UFC1: variants seen among roughly 807,000 people sequenced by gnomAD.
UFC1 encodes ubiquitin-fold modifier conjugating enzyme 1, also known as ubiquitin-fold modifier-conjugating enzyme 1.
Under a neutral mutation model 28.0 loss-of-function variants are expected in UFC1, and 22 were observed. The observed-to-expected ratio is 0.78, with a 90% CI of 0.56 to 1.12. The LOEUF (loss-of-function observed/expected upper bound fraction) is 1.12. Ranked by LOEUF, UFC1 falls within the 50% of genes most tolerant of loss-of-function variation. The pLI, the probability that UFC1 is intolerant of heterozygous loss-of-function variation, is 0.00. For missense variants in UFC1, 189 were observed against 207.8 expected (o/e 0.91, Z 0.56); for synonymous variants, 61 against 74.5 (o/e 0.82, Z 0.93).
rs1657631966 is a variant in UFC1 at position 161,158,663 on chromosome 1, A to T, written c.*171A>T. On this transcript the variant is annotated 3_prime_UTR_variant, in exon 6 of 6. Transcript: ENST00000368003. Reference sequence around the variant, plus strand: ...GGGAAGAAACAAACACACACCAAACAGTACTGCTACTTAGTTTCTAAGGCT... The same window carrying T: ...GGGAAGAAACAAACACACACCAAACTGTACTGCTACTTAGTTTCTAAGGCT... 1.5e-6 allele frequency: 1 copy of T among 674,110 alleles called. No individual in the cohort carries two copies. Among genetic ancestry groups the T allele is most frequent in the Admixed American group, 2.3e-5 (1 of 43,610 alleles). The allele number at this position is 674,110 out of a possible 1,614,324, so 41.8% of individuals were successfully genotyped here.
In UFC1 at chr1:161,158,789, A is replaced by T; in HGVS notation, c.*297A>T. The T allele has an allele frequency of 2.4e-6, 1 of 416,874 alleles. No homozygotes were observed. The highest frequency in any genetic ancestry group is 4.5e-6 in the Non-Finnish European group (1 of 222,358). 25.8% of individuals were successfully genotyped at this position (416,874 alleles called of 1,614,324 possible). On this transcript the variant is annotated 3_prime_UTR_variant, in exon 6 of 6. Transcript: ENST00000368003. The stretch of plus-strand genomic sequence containing the variant: ...GATTCTGGAGGCACGGGGGTAACTG[A>T]AAGTGAGTACATATAGTCTTTCTGG...
intron 1 of UFC1, among the ~76,000 whole-genome samples, chr1:161,156,578 A>G (rs1034576566): frequency 4.1e-5 from 6 of 147,868 alleles, no homozygotes; most frequent in African/African-American, 1.3e-4. Flanking sequence ...GTAGTGGCTC[A>G]CGCCTGTAAT....
chr1:161,157,843 G>A (rs1482270168), intron 4 of UFC1, 150 bp downstream of exon 4: 1 of 687,368 alleles, frequency 1.5e-6, no homozygotes, highest in Admixed American at 2.6e-5. Context: ...ACCATGGCAC[G>A]TTTACCTATG....
In UFC1 at chr1:161,157,276, A is replaced by G. The variant is rs1657542577; in HGVS notation, c.214A>G (p.Ile72Val). ...CAGGTGGTTTGGAAAATGCTGGTAT[A>G]TCCATGACCTCCTGAAATATGAGTT... ...GTRWFGKCWYIHDLLKYEFDI... is the reference protein window; with the variant it reads ...GTRWFGKCWYVHDLLKYEFDI... Residue 72 changes from isoleucine (I) to valine (V), a missense_variant, in exon 3 of 6, where the codon ATC becomes GTC. By Grantham distance (29) the Ile-to-Val change is conservative. Transcript: ENST00000368003. 6.2e-7 allele frequency: 1 copy of G among 1,614,250 alleles called. No homozygotes were observed. The highest frequency in any genetic ancestry group is 8.5e-7 in the Non-Finnish European group (1 of 1,180,046).
chr1:161,154,587 C>A (rs556238193), intron 1 of UFC1, among the ~76,000 whole-genome samples: 1 of 152,092 alleles, frequency 6.6e-6, no homozygotes, highest in Non-Finnish European at 1.5e-5. Context: ...CGGGTTCAAG[C>A]GAGTCTCCTG....
At chr1:161,155,147 G>A (rs893205084) in intron 1 of UFC1, among the ~76,000 whole-genome samples, 3 of 152,202 alleles carry the variant, frequency 2.0e-5, no homozygotes, top group Non-Finnish European at 4.4e-5. Context: ...GATATAAAGC[G>A]AGAAATGGCT....
At chr1:161,157,371 T>G in intron 3 of UFC1, 54 bp downstream of exon 3, 1 of 1,598,308 alleles carries the variant, frequency 6.3e-7, no homozygotes, top group Non-Finnish European at 8.6e-7. Flanking sequence ...AGGGATTAGA[T>G]GATGGGTAAC....
At position 161,154,065 on chromosome 1, in the gene UFC1, G is replaced by A. The variant is rs1181612302; in HGVS notation, c.68G>A (p.Arg23Gln). The A allele has an allele frequency of 3.1e-6, 5 of 1,614,002 alleles. No homozygotes were observed. The highest frequency in any genetic ancestry group is 4.2e-6 in the Non-Finnish European group (5 of 1,180,036). The change falls in exon 1 of 6, where the codon CGA (arginine) becomes CAA (glutamine). Residue 23 changes from arginine to glutamine, a missense_variant. Coordinates refer to ENST00000368003, the MANE Select transcript of UFC1 (RefSeq NM_016406.4). ...GTGCTGAAGACTAACGCCGGACCCC[G>A]AGATCGTGAGTTGTGGGTGCAGCGA... Reference protein sequence around the residue: ...IPVLKTNAGPRDRELWVQRLK... With the variant: ...IPVLKTNAGPQDRELWVQRLK...
intron 1 of UFC1, among the ~76,000 whole-genome samples, chr1:161,155,265 A>T (rs556663106): frequency 6.6e-6 from 1 of 152,340 alleles, no homozygotes; most frequent in Admixed American, 6.5e-5. Context: ...AACATAAGCT[A>T]GCCTGATAAA....
chr1:161,158,371 T>C (rs376582781), intron 5 of UFC1, 41 bp from the exon 6 acceptor site: 6 of 1,611,582 alleles, frequency 3.7e-6, no homozygotes, highest in Middle Eastern at 1.6e-4. Flanking sequence ...ACAAGAAGCA[T>C]TGACTGGTAG....
In UFC1 at chr1:161,158,208, G is replaced by C; in HGVS notation, c.420G>C (p.Leu140=). Residue 140 remains leucine, a synonymous_variant, in exon 5 of 6, where the codon CTG becomes CTC. Transcript: ENST00000368003. ...PKFGLAHLMA[L]GLGPWLAVEI... The stretch of plus-strand genomic sequence containing the variant: ...TTGGACTAGCTCATCTCATGGCTCT[G>C]GGGGTAAGTTTTGTGTATTTGGCAT... The C allele has an allele frequency of 6.2e-7, 1 of 1,614,132 alleles. No individual in the cohort carries two copies. Among genetic ancestry groups the C allele is most frequent in the Non-Finnish European group, 8.5e-7 (1 of 1,179,978 alleles).
chr1:161,158,742 G>A lies in UFC1; in HGVS notation c.*250G>A. ...GACAATCTAGAGGTAATTTATATCC[G>A]CCCCCAGGTGGAGCAACATGCGATT... On this transcript the variant is annotated 3_prime_UTR_variant, in exon 6 of 6. Coordinates refer to ENST00000368003, the MANE Select transcript of UFC1 (RefSeq NM_016406.4). The A allele has an allele frequency of 2.0e-6, 1 of 499,960 alleles. No homozygotes were observed. The highest frequency in any genetic ancestry group is 3.6e-6 in the Non-Finnish European group (1 of 274,590). The allele number at this position is 499,960 out of a possible 1,614,324, so 31.0% of individuals were successfully genotyped here.
At chr1:161,158,306 T>C in intron 5 of UFC1, 95 bp downstream of exon 5, 1 of 1,568,850 alleles carries the variant, frequency 6.4e-7, no homozygotes, top group South Asian at 1.1e-5. Flanking sequence ...ATAACAGTGA[T>C]GTCCCTTAAG....
intron 1 of UFC1, among the ~76,000 whole-genome samples, 198 bp from the exon 2 acceptor site, chr1:161,156,751 AG>A (rs1438948355): frequency 2.0e-5 from 3 of 152,084 alleles, no homozygotes; most frequent in Admixed American, 6.5e-5. Context: ...CTGAGGAAGG[AG>A]AATCGCTTGA....
At chr1:161,155,511 C>G (rs1222902835) in intron 1 of UFC1, among the ~76,000 whole-genome samples, 3 of 152,194 alleles carry the variant, frequency 2.0e-5, no homozygotes, top group African/African-American at 7.2e-5. Context: ...TGAGGAATTA[C>G]ATGGCCGATT....
intron 1 of UFC1, 21 bp downstream of exon 1, chr1:161,154,141 C>T: frequency 6.2e-7 from 1 of 1,613,744 alleles, no homozygotes; most frequent in Non-Finnish European, 8.5e-7. Flanking sequence ...TTTCTACAGT[C>T]TAACGCGTAG....
chr1:161,158,077 G>T, intron 4 of UFC1, 44 bp from the exon 5 acceptor site: 1 of 1,544,550 alleles, frequency 6.5e-7, no homozygotes, highest in South Asian at 1.1e-5. Flanking sequence ...TGTGCTTTAT[G>T]GTAAACTTTG....
At position 161,154,130 on chromosome 1, in the gene UFC1, GT is replaced by G. The variant is rs565265968; in HGVS notation, c.123+13del. 112 of 1,614,012 alleles carry G rather than the reference GT, an allele frequency of 6.9e-5. 1 individual carries two copies. The African/African-American group carries it at 1.1e-3, about 16-fold the overall frequency. ...TCAGTCCCTTATCCGGGTTAGTTGTGTTTCTACAGTCTAACGCGTAGCATAA... is the reference window on the plus strand; with the variant it reads ...TCAGTCCCTTATCCGGGTTAGTTGTGTTCTACAGTCTAACGCGTAGCATAA... On this transcript the variant is annotated intron_variant, in intron 1 of 5. Transcript: ENST00000368003.
chr1:161,158,466 C>T lies in UFC1; in HGVS notation c.478C>T (p.Gln160Ter). The T allele has an allele frequency of 8.7e-6, 14 of 1,614,110 alleles. No individual in the cohort carries two copies. Among genetic ancestry groups the T allele is most frequent in the Non-Finnish European group, 1.2e-5 (14 of 1,180,026 alleles). Residue 160 changes from glutamine (Q) to a stop codon, truncating the protein, a stop_gained, in exon 6 of 6, where the codon CAA becomes TAA. Coordinates refer to ENST00000368003, the MANE Select transcript of UFC1 (RefSeq NM_016406.4). LOFTEE classifies it high-confidence loss of function. ...TGATCTGATTCAGAAGGGCGTCATCCAACACAAAGAGAAATGCAACCAATG... is the reference window on the plus strand; with the variant it reads ...TGATCTGATTCAGAAGGGCGTCATCTAACACAAAGAGAAATGCAACCAATG... ...IPDLIQKGVI[Q>*]HKEKCNQ is the part of the protein sequence containing the mutation.
Sources: gnomAD v4.1 joint callset for allele counts (sites outside exome capture counted in the v4.1 genomes callset) on GRCh38, gnomAD v4.1.1 for gene constraint, MANE v1.5 for transcripts, NCBI Gene and HGNC (gene_info 2026-07-23, HGNC 2026-07-21) for gene names.